The following MSN variants were observed in gnomAD, a reference collection of about 807,000 sequenced individuals.
MSN encodes the protein epididymis luminal protein 70.
In MSN, 2 loss-of-function variants were observed where a neutral mutation model predicts 48.0. That is an observed-to-expected ratio of 0.04 (90% CI 0.02 to 0.13). The LOEUF (loss-of-function observed/expected upper bound fraction) is 0.13. MSN is among the 10% of genes least tolerant of loss of function. The pLI, the probability that MSN is intolerant of heterozygous loss-of-function variation, is 1.00. For missense variants in MSN, 267 were observed against 470.1 expected (o/e 0.57, Z 3.99); for synonymous variants, 146 against 166.9 (o/e 0.87, Z 0.97).
chrX:65,669,300 G>A (rs1030626315), intron 1 of MSN, among the ~76,000 whole-genome samples: 1 of 110,613 alleles, frequency 9.0e-6, no homozygotes, highest in Non-Finnish European at 1.9e-5. Flanking sequence ...CGGCTCTTTG[G>A]GTCTCTCTCT....
upstream of MSN, among the ~76,000 whole-genome samples, chrX:65,666,122 C>A (rs902744422): frequency 4.5e-5 from 5 of 110,744 alleles, no homozygotes; most frequent in Non-Finnish European, 9.5e-5. Context: ...GATTCTCCTG[C>A]CTCATCCTCC....
chrX:65,695,532 A>AAAAAC lies in MSN; in HGVS notation c.13-21284_13-21283insAACAA, dbSNP rs1407800960. Among the ~76,000 whole-genome samples, 33 of 107,421 alleles carry AAAAAC rather than the reference A, an allele frequency of 3.1e-4. 2 individuals carry two copies. The highest frequency in any genetic ancestry group is 1.1e-3 in the African/African-American group (33 of 29,362). The allele number at this position is 107,421 out of a possible 115,157, so 93.3% of individuals were successfully genotyped here. ...CAAAAAAAAAAAAAAAAAAAAAAAA[A>AAAAAC]AACAAAGAAAGAAAGTATGTTGTCA... On this transcript the variant is annotated intron_variant, in intron 1 of 12. Transcript: ENST00000360270.
At chrX:65,698,452 T>G (rs1223109389) in intron 1 of MSN, among the ~76,000 whole-genome samples, 1 of 112,303 alleles carries the variant, frequency 8.9e-6, no homozygotes, top group Non-Finnish European at 1.9e-5. Flanking sequence ...CAGTAGATAA[T>G]GGGCAGCTTT....
chrX:65,670,910 A>ATATATATATATATATT (rs2070930021), intron 1 of MSN, among the ~76,000 whole-genome samples: 19 of 26,227 alleles, frequency 7.2e-4, no homozygotes, highest in African/African-American at 4.0e-3. Context: ...ATATATATAT[A>ATATATATATATATATT]TATATATATA....
At chrX:65,619,273 A>C (rs1322920235) in intron 1 of MSN, among the ~76,000 whole-genome samples, 1 of 102,653 alleles carries the variant, frequency 9.7e-6, no homozygotes, top group Non-Finnish European at 1.9e-5. Flanking sequence ...AGATTGGGGA[A>C]GTTCTCCTGG....
chrX:65,682,413 G>T (rs1428070784), intron 1 of MSN, among the ~76,000 whole-genome samples: 1 of 111,971 alleles, frequency 8.9e-6, no homozygotes, highest in African/African-American at 3.3e-5. Flanking sequence ...GCTTCTTGCT[G>T]CTGCCTTGGC....
At chrX:65,668,146 T>C (rs912191109) in intron 1 of MSN, among the ~76,000 whole-genome samples, 2 of 112,739 alleles carry the variant, frequency 1.8e-5, no homozygotes, top group African/African-American at 6.4e-5. Flanking sequence ...GGCCTGGGGT[T>C]TCCCCTTTTC....
At chrX:65,605,631 G>A (rs755959854) in intron 1 of MSN, among the ~76,000 whole-genome samples, 7 of 111,899 alleles carry the variant, frequency 6.3e-5, no homozygotes, top group Non-Finnish European at 1.1e-4. Flanking sequence ...TAGCCCAAAA[G>A]AGCCTACATG....
intron 1 of MSN, among the ~76,000 whole-genome samples, chrX:65,594,072 T>A (rs2070168901): frequency 8.9e-6 from 1 of 111,747 alleles, no homozygotes; most frequent in Non-Finnish European, 1.9e-5. Context: ...TAAGGAACAC[T>A]GAGAGAGGAT....
rs1474417388 is a variant in MSN, at chrX:65,729,638, G to C, written c.393G>C (p.Gln131His). Reference protein sequence around the residue: ...TAVLLASYAVQSKYGDFNKEV... With the variant: ...TAVLLASYAVHSKYGDFNKEV... Reference sequence around the variant, plus strand: ...TGCTGCTGGCCTCGTATGCTGTCCAGTCTAAGTATGGCGACTTCAATAAGG... The same window carrying C: ...TGCTGCTGGCCTCGTATGCTGTCCACTCTAAGTATGGCGACTTCAATAAGG... Residue 131 changes from glutamine to histidine, a missense_variant, in exon 4 of 13, where the codon CAG becomes CAC. By Grantham distance (24) the Gln-to-His change is conservative (BLOSUM62 0). Transcript: ENST00000360270. 2 of 1,211,746 alleles carry C rather than the reference G, an allele frequency of 1.7e-6. No individual in the cohort carries two copies. Among genetic ancestry groups the C allele is most frequent in the Non-Finnish European group, 2.2e-6 (2 of 895,539 alleles).
At chrX:65,672,494 C>T (rs1276924161) in intron 1 of MSN, among the ~76,000 whole-genome samples, 1 of 111,598 alleles carries the variant, frequency 9.0e-6, no homozygotes, top group Non-Finnish European at 1.9e-5. Context: ...CCATTTCATG[C>T]TTGAGAGAGC....
At chrX:65,715,450 A>ATT (rs2071454366) in intron 1 of MSN, among the ~76,000 whole-genome samples, 1 of 111,947 alleles carries the variant, frequency 8.9e-6, no homozygotes, top group Non-Finnish European at 1.9e-5. Context: ...GATTCTTCCT[A>ATT]TTCATGAGCA....
intron 1 of MSN, among the ~76,000 whole-genome samples, chrX:65,614,235 T>A (rs188570683): frequency 1.8e-5 from 2 of 111,891 alleles, no homozygotes; most frequent in East Asian, 5.6e-4. Context: ...TCTATATATC[T>A]GTTTTGGTAC....
At chrX:65,639,531 C>G (rs915294312) in intron 1 of MSN, among the ~76,000 whole-genome samples, 1 of 112,018 alleles carries the variant, frequency 8.9e-6, no homozygotes, top group African/African-American at 3.2e-5. Flanking sequence ...GGTTTGCTGT[C>G]TGCCAGGGAA....
intron 1 of MSN, among the ~76,000 whole-genome samples, chrX:65,715,155 C>CCAT (rs2071451165): frequency 9.0e-6 from 1 of 110,851 alleles, no homozygotes; most frequent in Non-Finnish European, 1.9e-5. Flanking sequence ...TTTCTGGGCT[C>CCAT]TCTATTCTGC....
chrX:65,597,804 C>G (rs912619610), intron 1 of MSN, among the ~76,000 whole-genome samples: 4 of 112,237 alleles, frequency 3.6e-5, no homozygotes, highest in Non-Finnish European at 7.5e-5. Context: ...GTTTTCACAT[C>G]TGCAAAATGA....
At chrX:65,638,154 A>T (rs1217770717) in intron 1 of MSN, among the ~76,000 whole-genome samples, 2 of 112,212 alleles carry the variant, frequency 1.8e-5, no homozygotes, top group African/African-American at 6.5e-5. Context: ...TCTAGATTGT[A>T]CTCTAATCAT....
chrX:65,715,935 G>A (rs918881813), intron 1 of MSN, among the ~76,000 whole-genome samples: 2 of 111,879 alleles, frequency 1.8e-5, no homozygotes, highest in African/African-American at 3.2e-5. Context: ...CAGCTTTGGC[G>A]CATTCAGTAT....
intron 1 of MSN, among the ~76,000 whole-genome samples, chrX:65,619,255 G>T (rs1422329179): frequency 9.7e-6 from 1 of 102,919 alleles, no homozygotes; most frequent in Non-Finnish European, 1.9e-5. Context: ...ACGTTGGCCT[G>T]CCTTGCTAGA....
Sources: allele counts gnomAD v4.1 joint callset (sites outside exome capture counted in the v4.1 genomes callset), GRCh38; gene constraint gnomAD v4.1.1; transcripts MANE v1.5; gene names NCBI Gene and HGNC (gene_info 2026-07-23, HGNC 2026-07-21).